The following TLE1 variants were observed in gnomAD, a reference collection of about 807,000 sequenced individuals.
The protein encoded by TLE1 is TLE family member 1, transcriptional corepressor, also known as transducin-like enhancer protein 1.
TLE1 carries 21 observed loss-of-function variants against 89.8 expected under a neutral mutation model. The ratio of observed to expected loss-of-function variants is 0.23; its 90% CI spans 0.17 to 0.34. The LOEUF (loss-of-function observed/expected upper bound fraction) is 0.34, where lower values mean the gene tolerates loss of function less well. Ranked by LOEUF, TLE1 falls within the 10% of genes least tolerant of loss-of-function variation. The pLI, the probability that TLE1 is intolerant of heterozygous loss-of-function variation, is 1.00. For missense variants in TLE1, 795 were observed against 1,031.2 expected (o/e 0.77, Z 3.14); for synonymous variants, 447 against 407.6 (o/e 1.10, Z -1.16).
intron 12 of TLE1, 116 bp from the exon 13 acceptor site, chr9:81,612,075 G>C (rs762604016): frequency 3.5e-5 from 29 of 828,602 alleles, no homozygotes; most frequent in South Asian, 5.5e-5. Flanking sequence ...AAGAGGTAAG[G>C]CTTCTAGGGG....
At chr9:81,609,009 C>T (rs1181775924) in intron 14 of TLE1, among the ~76,000 whole-genome samples, 3 of 151,788 alleles carry the variant, frequency 2.0e-5, no homozygotes, top group Admixed American at 6.6e-5. Flanking sequence ...CAAAGATCTG[C>T]TGCCTTAAAG....
intron 14 of TLE1, among the ~76,000 whole-genome samples, chr9:81,594,428 AG>A (rs1301350757): frequency 6.6e-6 from 1 of 152,174 alleles, no homozygotes; most frequent in Non-Finnish European, 1.5e-5. Context: ...AAACTAACAC[AG>A]GAACAGAAAA....
intron 4 of TLE1, among the ~76,000 whole-genome samples, chr9:81,654,631 GCACC>G (rs1256560933): frequency 5.3e-5 from 8 of 152,158 alleles, no homozygotes; most frequent in Non-Finnish European, 1.0e-4. Flanking sequence ...GTGAGCCACT[GCACC>G]CAGCCAAGTG....
At chr9:81,642,352 A>G (rs1157737574) in intron 6 of TLE1, among the ~76,000 whole-genome samples, 1 of 152,158 alleles carries the variant, frequency 6.6e-6, no homozygotes, top group African/African-American at 2.4e-5. Flanking sequence ...CAATCTGTAC[A>G]TGATCCAGCA....
Position 81,669,001 on chromosome 9 carries a change from C to T in TLE1, c.235-14965G>A, listed in dbSNP as rs190117164. ...GTGGGTTCCAGGACATGTCAATTCT[C>T]GTTTCCCACAGCACCAGAAACCAAA... On this transcript the variant is annotated intron_variant, in intron 4 of 19. Coordinates refer to ENST00000376499, the MANE Select transcript of TLE1 (RefSeq NM_005077.5). Among the ~76,000 whole-genome samples, 9 of 152,284 alleles carry T rather than the reference C, an allele frequency of 5.9e-5. 1 individual carries two copies. The highest frequency in any genetic ancestry group is 2.2e-4 in the African/African-American group (9 of 41,576).
intron 4 of TLE1, among the ~76,000 whole-genome samples, chr9:81,654,880 TCAAA>T (rs1014725306): frequency 1.3e-5 from 2 of 152,152 alleles, no homozygotes; most frequent in Non-Finnish European, 2.9e-5. Flanking sequence ...TCTCAAACTT[TCAAA>T]CAAACCAAGA....
intron 8 of TLE1, among the ~76,000 whole-genome samples, chr9:81,627,136 T>G (rs1050840009): frequency 2.0e-5 from 3 of 152,096 alleles, no homozygotes; most frequent in East Asian, 1.9e-4. Context: ...GCACTTACAT[T>G]TATACCTCCT....
chr9:81,663,345 G>C (rs1230984743), intron 4 of TLE1, among the ~76,000 whole-genome samples: 1 of 25,078 alleles, frequency 4.0e-5, no homozygotes, highest in Non-Finnish European at 8.5e-5. Context: ...CAAGATCATA[G>C]AGCAAGAAGC....
chr9:81,615,119 A>G (rs11139341), intron 11 of TLE1, among the ~76,000 whole-genome samples: 19,496 of 79,964 alleles, frequency 0.24, 3,419 homozygotes, highest in East Asian at 0.49. Context: ...AAAAAAAAAA[A>G]AAGAAGAAGA....
At chr9:81,615,712 CAAAA>C (rs371090700) in intron 11 of TLE1, among the ~76,000 whole-genome samples, 12 of 97,954 alleles carry the variant, frequency 1.2e-4, no homozygotes, top group East Asian at 6.6e-4. Context: ...GACTCCGTCT[CAAAA>C]AAAAAAAAAA....
At chr9:81,603,744 G>C (rs536531951) in intron 14 of TLE1, among the ~76,000 whole-genome samples, 2 of 152,198 alleles carry the variant, frequency 1.3e-5, no homozygotes, top group African/African-American at 4.8e-5. Context: ...GCTCATGCCT[G>C]TAATCCCAGC....
intron 4 of TLE1, among the ~76,000 whole-genome samples, chr9:81,658,908 CTATT>C (rs1285559177): frequency 4.0e-5 from 6 of 151,814 alleles, no homozygotes; most frequent in South Asian, 2.1e-4. Context: ...ATTTATTTAT[CTATT>C]TATTTATTTT....
At chr9:81,683,135 A>T (rs565092228) in intron 4 of TLE1, among the ~76,000 whole-genome samples, 4 of 152,306 alleles carry the variant, frequency 2.6e-5, no homozygotes, top group Non-Finnish European at 4.4e-5. Context: ...AACCCGTTGA[A>T]AGGTGGGAAG....
At chr9:81,651,263 C>T (rs983617845) in intron 6 of TLE1, among the ~76,000 whole-genome samples, 17 of 152,148 alleles carry the variant, frequency 1.1e-4, no homozygotes, top group Non-Finnish European at 1.6e-4. Context: ...TCAGAAAGGA[C>T]GGTCCCTTGT....
intron 16 of TLE1, among the ~76,000 whole-genome samples, chr9:81,589,913 C>T (rs750574901): frequency 2.4e-4 from 37 of 152,044 alleles, no homozygotes; most frequent in African/African-American, 6.5e-4. Flanking sequence ...GGACCGGGCC[C>T]GGCTCAATGA....
chr9:81,602,499 T>C (rs1831071763), intron 14 of TLE1, among the ~76,000 whole-genome samples: 2 of 152,180 alleles, frequency 1.3e-5, no homozygotes, highest in African/African-American at 4.8e-5. Flanking sequence ...GTGATTTTAG[T>C]TTTCCCTTGG....
chr9:81,608,190 T>TGTGAA (rs909508410), intron 14 of TLE1, among the ~76,000 whole-genome samples: 1 of 151,328 alleles, frequency 6.6e-6, no homozygotes, highest in African/African-American at 2.4e-5. Context: ...AGGAGGACTG[T>TGTGAA]GTGAAGCCAG....
intron 1 of TLE1, 111 bp downstream of exon 1, chr9:81,688,106 C>A: frequency 2.8e-6 from 4 of 1,415,246 alleles, no homozygotes; most frequent in Non-Finnish European, 3.9e-6. Flanking sequence ...CCTTACACCG[C>A]TGAGGGCGAG....
chr9:81,671,537 C>G (rs980770421), intron 4 of TLE1, among the ~76,000 whole-genome samples: 1 of 151,566 alleles, frequency 6.6e-6, no homozygotes, highest in Non-Finnish European at 1.5e-5. Context: ...CCCAGCTACT[C>G]GAGAGGCCAA....
Sources: allele counts gnomAD v4.1 joint callset (sites outside exome capture counted in the v4.1 genomes callset), GRCh38; gene constraint gnomAD v4.1.1; transcripts MANE v1.5; gene names NCBI Gene and HGNC (gene_info 2026-07-23, HGNC 2026-07-21).